The following CNGB3 variants were observed in gnomAD, a reference collection of about 807,000 sequenced individuals.
CNGB3 encodes cyclic nucleotide gated channel subunit beta 3.
CNGB3 carries 86 observed loss-of-function variants against 92.8 expected under a neutral mutation model. That is an observed-to-expected ratio of 0.93 (90% CI 0.78 to 1.11). The LOEUF (loss-of-function observed/expected upper bound fraction) is 1.11. Ranked by LOEUF, CNGB3 falls within the 50% of genes least tolerant of loss-of-function variation. CNGB3 has a pLI of 0.00. For synonymous variants in CNGB3, 333 were observed against 332.7 expected, an observed-to-expected ratio of 1.00 and a Z score of -0.01; for missense variants, 1,026 against 956.8, an observed-to-expected ratio of 1.07 and a Z score of -0.95.
At chr8:86,694,099 A>C (rs373326010) in intron 3 of CNGB3, among the ~76,000 whole-genome samples, 3 of 66,010 alleles carry the variant, frequency 4.5e-5, no homozygotes, top group South Asian at 7.3e-4. Flanking sequence ...CCTCCCTCCC[A>C]GACGGGGCGG....
In CNGB3 at chr8:86,601,952, C is replaced by A. The variant is rs373500920; in HGVS notation, c.1781+2141G>T. ...AGGAATCTAGGATTACTTTCAGTTG[C>A]AACTCAGAAACACCTGGATTCAATT... On this transcript the variant is annotated intron_variant, in intron 15 of 17. Coordinates refer to ENST00000320005, the MANE Select transcript of CNGB3 (RefSeq NM_019098.5). Among the ~76,000 whole-genome samples, 324 of 152,302 alleles carry A rather than the reference C, an allele frequency of 2.1e-3. 1 individual carries two copies. The highest frequency in any genetic ancestry group is 0.013 in the South Asian group (65 of 4,824).
chr8:86,726,547 TC>T lies in CNGB3; in HGVS notation c.321del (p.Glu109LysfsTer16). 6.2e-7 allele frequency: 1 copy of T among 1,613,856 alleles called. No individual in the cohort carries two copies. Among genetic ancestry groups the T allele is most frequent in the Non-Finnish European group, 8.5e-7 (1 of 1,179,768 alleles). ...AATGCTCACCTGTTTGGACCTTCTT[TC>T]CCGGGGTCCATTTCCTTCTGCTCTG... ...TVPEQKEMDP[G>X]KEGPNSPQNK... On this transcript the variant is annotated frameshift_variant, in exon 3 of 18. Transcript: ENST00000320005. LOFTEE classifies it high-confidence loss of function.
chr8:86,698,128 A>G (rs62525676), intron 3 of CNGB3, among the ~76,000 whole-genome samples: 43,175 of 152,088 alleles, frequency 0.28, 6,428 homozygotes, highest in East Asian at 0.4. Context: ...AAGATCTGAT[A>G]AAGCTGTGTG....
intron 3 of CNGB3, among the ~76,000 whole-genome samples, chr8:86,690,596 C>T (rs1238822552): frequency 6.6e-6 from 1 of 152,100 alleles, no homozygotes; most frequent in Non-Finnish European, 1.5e-5. Flanking sequence ...GCTTTTGTTG[C>T]CATTGCTTTT....
At chr8:86,641,182 T>G (rs1334201689) in intron 10 of CNGB3, among the ~76,000 whole-genome samples, 1 of 151,970 alleles carries the variant, frequency 6.6e-6, no homozygotes, top group Non-Finnish European at 1.5e-5. Flanking sequence ...ACAAATGCCA[T>G]GGCAATATCC....
At chr8:86,739,604 T>C (rs367633289) in intron 2 of CNGB3, 51 bp downstream of exon 2, 37 of 1,599,932 alleles carry the variant, frequency 2.3e-5, no homozygotes, top group Middle Eastern at 1.7e-4. Flanking sequence ...CAGATACATA[T>C]GTATTTCACT....
At chr8:86,579,300 C>T (rs1457608625) in intron 15 of CNGB3, 48 bp from the exon 16 acceptor site, 1 of 1,603,180 alleles carries the variant, frequency 6.2e-7, no homozygotes, top group Admixed American at 1.7e-5. Context: ...AGTTTTCCTC[C>T]ACTGAAATCT....
intron 14 of CNGB3, among the ~76,000 whole-genome samples, chr8:86,607,315 T>G (rs1331094603): frequency 2.0e-5 from 3 of 152,194 alleles, no homozygotes; most frequent in Admixed American, 6.5e-5. Flanking sequence ...TGACAGCATG[T>G]GCAAAATAAG....
intron 2 of CNGB3, among the ~76,000 whole-genome samples, chr8:86,728,702 A>T (rs315977): frequency 0.25 from 37,285 of 152,024 alleles, 5,037 homozygotes; most frequent in Middle Eastern, 0.4. Context: ...CATGGAGGGG[A>T]TCTGGAGTTA....
At chr8:86,726,252 A>G (rs1011054094) in intron 3 of CNGB3, among the ~76,000 whole-genome samples, 2 of 152,248 alleles carry the variant, frequency 1.3e-5, no homozygotes, top group Non-Finnish European at 2.9e-5. Flanking sequence ...CCATAATGAT[A>G]CAATGACTCA....
At chr8:86,644,835 C>A in intron 8 of CNGB3, 149 bp from the exon 9 acceptor site, 1 of 516,160 alleles carries the variant, frequency 1.9e-6, no homozygotes, top group Non-Finnish European at 2.9e-6. Flanking sequence ...GTGATATTTT[C>A]CTCTGGACAG....
chr8:86,638,707 A>C (rs971621762), intron 10 of CNGB3, among the ~76,000 whole-genome samples: 2 of 152,088 alleles, frequency 1.3e-5, no homozygotes, highest in African/African-American at 4.8e-5. Context: ...AGACTTACTG[A>C]AATGAGAATG....
intron 3 of CNGB3, among the ~76,000 whole-genome samples, chr8:86,675,721 C>T (rs1419940233): frequency 6.6e-6 from 1 of 152,098 alleles, no homozygotes; most frequent in Non-Finnish European, 1.5e-5. Context: ...ATTTATATAT[C>T]TCTATGAAAG....
At chr8:86,728,914 A>G (rs1314770088) in intron 2 of CNGB3, among the ~76,000 whole-genome samples, 1 of 152,078 alleles carries the variant, frequency 6.6e-6, no homozygotes, top group Non-Finnish European at 1.5e-5. Flanking sequence ...TTTATTGGCT[A>G]TGGGTTTTTG....
chr8:86,612,872 G>A (rs1195883086), intron 13 of CNGB3, among the ~76,000 whole-genome samples: 1 of 152,176 alleles, frequency 6.6e-6, no homozygotes, highest in Non-Finnish European at 1.5e-5. Flanking sequence ...TTTGAGCAAG[G>A]CTTTGTATGA....
At chr8:86,666,108 GAGT>G (rs1823735340) in intron 6 of CNGB3, among the ~76,000 whole-genome samples, 2 of 152,264 alleles carry the variant, frequency 1.3e-5, no homozygotes, top group South Asian at 4.1e-4. Context: ...TAAGAAGGTT[GAGT>G]AGGTTCTAAT....
At chr8:86,692,792 T>A (rs1586019569) in intron 3 of CNGB3, among the ~76,000 whole-genome samples, 2 of 40,320 alleles carry the variant, frequency 5.0e-5, no homozygotes, top group African/African-American at 1.6e-4. Flanking sequence ...CCTAAATACC[T>A]TTTTTTTTCA....
intron 8 of CNGB3, among the ~76,000 whole-genome samples, chr8:86,647,361 AT>A (rs909924996): frequency 8.1e-4 from 121 of 149,958 alleles, no homozygotes; most frequent in Non-Finnish European, 1.3e-3. Context: ...GTATGTTTAC[AT>A]TTTTTTTTAG....
At position 86,635,439 on chromosome 8, in the gene CNGB3, T is replaced by C. The variant is rs73690969; in HGVS notation, c.1179-2546A>G. ...TTACTTTCTCCCATTTTCTTTTTTATGATTTTAAAAAATAACAATCAAATG... is the reference window on the plus strand; with the variant it reads ...TTACTTTCTCCCATTTTCTTTTTTACGATTTTAAAAAATAACAATCAAATG... On this transcript the variant is annotated intron_variant, in intron 10 of 17. Coordinates refer to ENST00000320005, the MANE Select transcript of CNGB3 (RefSeq NM_019098.5). Among the ~76,000 whole-genome samples, 1,374 of 152,240 alleles carry C rather than the reference T, an allele frequency of 9.0e-3. 22 individuals carry two copies. The highest frequency in any genetic ancestry group is 0.031 in the African/African-American group (1,300 of 41,564).
Sources: gnomAD v4.1 joint callset for allele counts (sites outside exome capture counted in the v4.1 genomes callset) on GRCh38, gnomAD v4.1.1 for gene constraint, MANE v1.5 for transcripts, NCBI Gene and HGNC (gene_info 2026-07-23, HGNC 2026-07-21) for gene names.